ZFYVE28: variants seen among roughly 807,000 people sequenced by gnomAD.
ZFYVE28 encodes the protein lateral signaling target protein 2 homolog.
A neutral mutation model predicts 82.1 loss-of-function variants in ZFYVE28; 40 were observed. That is an observed-to-expected ratio of 0.49 (90% CI 0.38 to 0.63). The LOEUF (loss-of-function observed/expected upper bound fraction) is 0.63, where lower values mean the gene tolerates loss of function less well. Among genes scored for constraint, ZFYVE28 ranks in the 30% least tolerant of loss-of-function variants. The pLI, the probability that ZFYVE28 is intolerant of heterozygous loss-of-function variation, is 0.00. For missense variants in ZFYVE28, 1,321 were observed against 1,242.1 expected (o/e 1.06, Z -0.96); for synonymous variants, 612 against 546.1 (o/e 1.12, Z -1.68).
At chr4:2,324,343 C>A (rs1445743466) in intron 6 of ZFYVE28, 1 of 152,242 alleles carries the variant, frequency 6.6e-6, no homozygotes, top group Admixed American at 6.5e-5. Context: ...CTAATCTCAT[C>A]TTTAAAATAC....
intron 1 of ZFYVE28, among the ~76,000 whole-genome samples, chr4:2,380,303 T>C (rs1340137966): frequency 6.6e-6 from 1 of 152,236 alleles, no homozygotes; most frequent in East Asian, 1.9e-4. Context: ...TTCCTGCGTT[T>C]TGACTTAGGT....
chr4:2,316,880 G>C (rs1718296431), intron 7 of ZFYVE28, among the ~76,000 whole-genome samples: 1 of 151,888 alleles, frequency 6.6e-6, no homozygotes, highest in Non-Finnish European at 1.5e-5. Context: ...TTTTAGTAGA[G>C]ATGGGGTTTC....
intron 1 of ZFYVE28, among the ~76,000 whole-genome samples, chr4:2,359,648 C>T (rs557372252): frequency 1.3e-5 from 2 of 152,310 alleles, no homozygotes; most frequent in Non-Finnish European, 2.9e-5. Context: ...GGACTTTTGG[C>T]CTCCAGGACT....
intron 1 of ZFYVE28, among the ~76,000 whole-genome samples, chr4:2,361,491 G>A (rs552314454): frequency 1.3e-5 from 2 of 152,096 alleles, no homozygotes; most frequent in African/African-American, 4.8e-5. Context: ...CAGCAGTTAC[G>A]AGGGCTGGCC....
rs955870046 is a variant in ZFYVE28 at position 2,350,320 on chromosome 4, C to T, written c.180+3613G>A. On this transcript the variant is annotated intron_variant, in intron 2 of 12. Transcript: ENST00000290974. ...TCTACTAAAAATACAAAAAATTAGCCGGGCGAGGTGGCGGGCGCCTGTAGT... is the reference window on the plus strand; with the variant it reads ...TCTACTAAAAATACAAAAAATTAGCTGGGCGAGGTGGCGGGCGCCTGTAGT... Among the ~76,000 whole-genome samples, 17 of 152,008 alleles carry T rather than the reference C, an allele frequency of 1.1e-4. No homozygotes were observed. In the South Asian group the frequency reaches 1.5e-3, roughly 13 times the overall value.
chr4:2,349,715 A>C (rs1396592262), intron 2 of ZFYVE28, among the ~76,000 whole-genome samples: 2 of 149,992 alleles, frequency 1.3e-5, no homozygotes, highest in African/African-American at 5.0e-5. Context: ...ATAAAAAGTC[A>C]GTATTTATCG....
In ZFYVE28 at chr4:2,408,175, C is replaced by CAGCA. The variant is rs1732125169; in HGVS notation, c.39+10106_39+10109dup. The stretch of plus-strand genomic sequence containing the variant: ...CTTGCTCCAACCTGCCCTCACTGGA[C>CAGCA]AGCAATGCTTCACCCAGTCCTGGAC... On this transcript the variant is annotated intron_variant, in intron 1 of 12. Transcript: ENST00000290974. This position sits in a 1 kb window ranked among gnomAD's most constrained non-coding sequence, Gnocchi z 4.3. Among the ~76,000 whole-genome samples, 1 of 152,212 alleles carries CAGCA rather than the reference C, an allele frequency of 6.6e-6. No individual in the cohort carries two copies. The highest frequency in any genetic ancestry group is 1.5e-5 in the Non-Finnish European group (1 of 68,028).
Position 2,305,098 on chromosome 4 carries a change from G to A in ZFYVE28, c.1242C>T (p.Ala414=). The A allele has an allele frequency of 3.1e-6, 5 of 1,603,646 alleles. No homozygotes were observed. The highest frequency in any genetic ancestry group is 1.1e-5 in the South Asian group (1 of 89,734). The change falls in exon 8 of 13, where the codon GCC becomes GCT. Residue 414 remains alanine (A), a synonymous_variant. Transcript: ENST00000290974. ...ATGGGCCAGCTGGGGACTCGGGCCT[G>A]GCCAGGGCTTCTGCCGTCCCCTCCA... ...DDVEGTAEAL[A]RPESPAGPFG...
rs1421654814 is a variant in ZFYVE28 at position 2,409,273 on chromosome 4, T to A, written c.39+9012A>T. ...ACCAGGCCCAGATCCATCTACTTTC[T>A]CCATCCAGAGTCGCCTGCTGCCATC... is the stretch of plus-strand genomic sequence containing the variant. On this transcript the variant is annotated intron_variant, in intron 1 of 12. Coordinates refer to ENST00000290974, the MANE Select transcript of ZFYVE28 (RefSeq NM_020972.3). This position sits in a 1 kb window ranked among gnomAD's most constrained non-coding sequence, Gnocchi z 4.4. 7.0e-6 allele frequency among the ~76,000 whole-genome samples: 1 copy of A among 142,524 alleles called. No homozygotes were observed. The highest frequency in any genetic ancestry group is 2.7e-5 in the African/African-American group (1 of 37,694). 93.5% of individuals were successfully genotyped at this position (142,524 alleles called of 152,430 possible). A position where few individuals can be genotyped will look rare whatever the true frequency, so the allele number is the denominator to read the frequency against.
At chr4:2,353,027 A>G (rs912785444) in intron 2 of ZFYVE28, among the ~76,000 whole-genome samples, 12 of 152,220 alleles carry the variant, frequency 7.9e-5, no homozygotes, top group Admixed American at 7.9e-4. Context: ...CCCCACCCAC[A>G]GAGGCTGTCC....
At chr4:2,376,371 T>TAAA (rs55652132) in intron 1 of ZFYVE28, among the ~76,000 whole-genome samples, 3 of 75,718 alleles carry the variant, frequency 4.0e-5, no homozygotes, top group Admixed American at 1.6e-4. Flanking sequence ...ACCCTATCTC[T>TAAA]AAAAAAAAAA....
At chr4:2,288,375 G>T (rs1302676814) in intron 8 of ZFYVE28, among the ~76,000 whole-genome samples, 1 of 152,254 alleles carries the variant, frequency 6.6e-6, no homozygotes, top group Non-Finnish European at 1.5e-5. Flanking sequence ...GCAGTGAGGG[G>T]GTGGGCCAGG....
At chr4:2,400,156 CAGG>C (rs1731021254) in intron 1 of ZFYVE28, among the ~76,000 whole-genome samples, 1 of 152,238 alleles carries the variant, frequency 6.6e-6, no homozygotes. Context: ...CGGGGAGCCA[CAGG>C]TCAGGAGGAA....
At chr4:2,391,760 G>A (rs1478388672) in intron 1 of ZFYVE28, among the ~76,000 whole-genome samples, 3 of 120,062 alleles carry the variant, frequency 2.5e-5, no homozygotes, top group South Asian at 2.8e-4. Context: ...TTTTGTGACT[G>A]AGTCTTGCTC....
intron 1 of ZFYVE28, among the ~76,000 whole-genome samples, chr4:2,411,697 C>T (rs1319236832): frequency 1.3e-5 from 2 of 152,178 alleles, no homozygotes; most frequent in African/African-American, 2.4e-5. Flanking sequence ...TCTTGAGACC[C>T]CATTTGTAAA....
In ZFYVE28 at chr4:2,335,755, A is replaced by T; in HGVS notation, c.651T>A (p.Asp217Glu). ...TGAACATGAGGGCCGGCTCGTAGTCATCAATCATGTCCTGAGTCAGGTACC... is the reference window on the plus strand; with the variant it reads ...TGAACATGAGGGCCGGCTCGTAGTCTTCAATCATGTCCTGAGTCAGGTACC... ...DFGYLTQDMI[D>E]DYEPALMFSI... Residue 217 changes from aspartate (D) to glutamate (E), a missense_variant, in exon 6 of 13, where the codon GAT (aspartate) becomes GAA (glutamate). Transcript: ENST00000290974. This position sits in a 1 kb window ranked among gnomAD's most constrained non-coding sequence, Gnocchi z 5.8. 1.3e-6 allele frequency: 2 copies of T among 1,573,078 alleles called. No homozygotes were observed. Among genetic ancestry groups the T allele is most frequent in the Non-Finnish European group, 1.7e-6 (2 of 1,159,210 alleles).
In ZFYVE28 at chr4:2,303,204, G is replaced by A. The variant is rs946520642; in HGVS notation, c.2051+1085C>T. 5.3e-5 allele frequency among the ~76,000 whole-genome samples: 8 copies of A among 152,246 alleles called. No individual in the cohort carries two copies. In the East Asian group the frequency reaches 9.7e-4, roughly 18 times the overall value. ...AGCGGAAAGGAAGAACGGCCTGACC[G>A]TCACGGGACCCTGGTCACTCCCACT... On this transcript the variant is annotated intron_variant, in intron 8 of 12. Transcript: ENST00000290974.
chr4:2,350,549 A>ATT (rs1724262599), intron 2 of ZFYVE28, among the ~76,000 whole-genome samples: 2 of 152,172 alleles, frequency 1.3e-5, no homozygotes, highest in Admixed American at 1.3e-4. Context: ...CAGCTCCTAA[A>ATT]AAGCCTTGGA....
intron 8 of ZFYVE28, among the ~76,000 whole-genome samples, chr4:2,303,226 C>T (rs1453177442): frequency 1.3e-5 from 2 of 152,216 alleles, no homozygotes; most frequent in Non-Finnish European, 2.9e-5. Flanking sequence ...TGGTCACTCC[C>T]ACTCCTCCAG....
Sources: allele counts gnomAD v4.1 joint callset (sites outside exome capture counted in the v4.1 genomes callset), GRCh38; gene constraint gnomAD v4.1.1; non-coding constraint Gnocchi (gnomAD v3.1); transcripts MANE v1.5; gene names NCBI Gene and HGNC (gene_info 2026-07-23, HGNC 2026-07-21).